Variants in NF1 observed in about 807,000 individuals in gnomAD.
NF1 encodes the protein neurofibromin 1.
A neutral mutation model predicts 325.7 loss-of-function variants in NF1; 122 were observed. The ratio of observed to expected loss-of-function variants is 0.37; its 90% confidence interval spans 0.32 to 0.44. The LOEUF (loss-of-function observed/expected upper bound fraction) is 0.44. Among genes scored for constraint, NF1 ranks in the 20% least tolerant of loss-of-function variants. The probability of loss-of-function intolerance (pLI) is 1.00; values close to 1 mark genes in which losing one functional copy is unlikely to be tolerated. For synonymous variants in NF1, 1,091 were observed against 1,186.0 expected (o/e 0.92, Z 1.65); for missense variants, 2,140 against 3,415.4 (o/e 0.63, Z 9.31).
At position 31,360,718 on chromosome 17, in the gene NF1, TC is replaced by T. The variant is rs1161990395; in HGVS notation, c.8377+16del. On this transcript the variant is annotated intron_variant, in intron 57 of 57. Transcript: ENST00000358273. ...GCATTCCCCAGGTCAGTAAATGTGATCTTTATATGACTTTGAGCAACAATAT... is the reference window on the plus strand; with the variant it reads ...GCATTCCCCAGGTCAGTAAATGTGATTTTATATGACTTTGAGCAACAATAT... 6.3e-7 allele frequency: 1 copy of T among 1,590,110 alleles called. No individual in the cohort carries two copies. Among genetic ancestry groups the T allele is most frequent in the East Asian group, 2.2e-5 (1 of 44,762 alleles).
intron 29 of NF1, among the ~76,000 whole-genome samples, chr17:31,239,501 T>G (rs2067257519): frequency 6.8e-6 from 1 of 146,182 alleles, no homozygotes; most frequent in African/African-American, 2.6e-5. Flanking sequence ...ATGAATTATC[T>G]GAGCTCTCAC....
chr17:31,182,886 AAAT>A lies in NF1; in HGVS notation c.888+225_888+227del, dbSNP rs17885916. ...ATACCAGGCAATGAACAAAGATTTA[AAAT>A]AATCCCTTAGTTTCATTCTTTTGTC... On this transcript the variant is annotated intron_variant, in intron 8 of 57. Transcript: ENST00000358273. 6.3e-4 allele frequency: 381 copies of A among 605,890 alleles called. 2 individuals carry two copies. Among genetic ancestry groups the A allele is most frequent in the African/African-American group, 6.1e-3 (329 of 54,088 alleles). 37.5% of individuals were successfully genotyped at this position (605,890 alleles called of 1,614,324 possible).
chr17:31,181,288 G>A lies in NF1; in HGVS notation c.587-134G>A, dbSNP rs866509624. The A allele has an allele frequency of 4.7e-4, 367 of 783,824 alleles. 2 individuals are homozygous for A. In the Middle Eastern group the frequency reaches 9.4e-3, roughly 20 times the overall value. The allele number at this position is 783,824 out of a possible 1,614,324, so 48.6% of individuals were successfully genotyped here. ...ACTATCGAGTTTTGGGTTTATGTTAGGTGTCTTTACCTTTCATTGCTTACA... is the reference window on the plus strand; with the variant it reads ...ACTATCGAGTTTTGGGTTTATGTTAAGTGTCTTTACCTTTCATTGCTTACA... On this transcript the variant is annotated intron_variant, in intron 5 of 57. Coordinates refer to ENST00000358273, the MANE Select transcript of NF1 (RefSeq NM_001042492.3).
At chr17:31,161,472 C>G (rs149536623) in intron 3 of NF1, among the ~76,000 whole-genome samples, 1 of 152,086 alleles carries the variant, frequency 6.6e-6, no homozygotes, top group East Asian at 1.9e-4. Context: ...AATTCTTATC[C>G]GCATGTAGTT....
In NF1 at chr17:31,200,534, T is replaced by A; in HGVS notation, c.1001T>A (p.Ile334Asn). The A allele has an allele frequency of 6.2e-7, 1 of 1,614,170 alleles. No individual in the cohort carries two copies. Among genetic ancestry groups the A allele is most frequent in the African/African-American group, 1.3e-5 (1 of 75,056 alleles). The change falls in exon 9 of 58, where the codon ATC becomes AAC. Residue 334 changes from isoleucine to asparagine, a missense_variant. By Grantham distance (149) the Ile-to-Asn change is moderately radical (BLOSUM62 -3). This residue lies in a region of NF1 where 179 missense variants were observed against 381.0 expected (regional missense o/e 0.47). Coordinates refer to ENST00000358273, the MANE Select transcript of NF1 (RefSeq NM_001042492.3). Reference protein sequence around the residue: ...CVKLCKASTYINWEDNSVIFL... With the variant: ...CVKLCKASTYNNWEDNSVIFL... ...AAACTGTGTAAAGCAAGTACTTACA[T>A]CAATTGGGAAGATAACTCTGTCATT...
chr17:31,100,048 A>G (rs957625356), intron 1 of NF1, among the ~76,000 whole-genome samples: 1 of 152,096 alleles, frequency 6.6e-6, no homozygotes, highest in African/African-American at 2.4e-5. Context: ...CTCCATCCCA[A>G]AATGATTTGT....
rs551269064 is a variant in NF1 at position 31,338,409 on chromosome 17, C to T, written c.6819+270C>T. Among the ~76,000 whole-genome samples, 3 of 152,180 alleles carry T rather than the reference C, an allele frequency of 2.0e-5. No homozygotes were observed. The South Asian group carries it at 6.2e-4, about 32-fold the overall frequency. On this transcript the variant is annotated intron_variant, in intron 45 of 57. Transcript: ENST00000358273. ...TGTTGCCTCTTTTGCTAAGCAGGTA[C>T]ACTTAGTATTTTACCAGTTTTCAAA...
At chr17:31,343,270 C>A in intron 48 of NF1, 135 bp downstream of exon 48, 3 of 848,540 alleles carry the variant, frequency 3.5e-6, no homozygotes, top group Middle Eastern at 3.3e-4. Flanking sequence ...CTAGGCCAGG[C>A]GTGGTGGCTC....
intron 1 of NF1, among the ~76,000 whole-genome samples, chr17:31,126,526 A>T (rs1330455254): frequency 6.6e-6 from 1 of 151,866 alleles, no homozygotes; most frequent in Non-Finnish European, 1.5e-5. Flanking sequence ...GCTCATTGCA[A>T]CCTTTGCTAG....
chr17:31,340,780 G>C (rs1161335508), intron 47 of NF1, 135 bp downstream of exon 47: 3 of 781,250 alleles, frequency 3.8e-6, no homozygotes, highest in Non-Finnish European at 5.8e-6. Flanking sequence ...CTTATTGTGA[G>C]TATATTTCCT....
chr17:31,139,397 C>CACAA (rs960721441), intron 1 of NF1, among the ~76,000 whole-genome samples: 4 of 151,472 alleles, frequency 2.6e-5, no homozygotes, highest in Admixed American at 1.3e-4. Flanking sequence ...CACACACACA[C>CACAA]ACACACACAC....
intron 35 of NF1, among the ~76,000 whole-genome samples, chr17:31,264,640 T>C (rs1442179928): frequency 3.6e-4 from 55 of 152,284 alleles, no homozygotes; most frequent in Admixed American, 3.6e-3. Context: ...TTTCTAGAGT[T>C]GATGAATGAC....
intron 1 of NF1, among the ~76,000 whole-genome samples, chr17:31,100,945 G>T (rs779498697): frequency 4.6e-5 from 7 of 152,072 alleles, no homozygotes; most frequent in Non-Finnish European, 8.8e-5. Context: ...CACCTTATCT[G>T]TCTGGGAACT....
At chr17:31,328,585 A>G (rs927561954) in intron 38 of NF1, among the ~76,000 whole-genome samples, 8 of 152,060 alleles carry the variant, frequency 5.3e-5, no homozygotes, top group African/African-American at 1.9e-4. Context: ...AGTAAGTAGT[A>G]TTTTCTTATC....
chr17:31,159,533 G>A (rs539785446), intron 3 of NF1, among the ~76,000 whole-genome samples: 2 of 152,198 alleles, frequency 1.3e-5, no homozygotes, highest in East Asian at 3.9e-4. Flanking sequence ...AACCTATTAA[G>A]GATAGATGTT....
At chr17:31,171,629 G>A (rs1337551032) in intron 5 of NF1, among the ~76,000 whole-genome samples, 3 of 152,034 alleles carry the variant, frequency 2.0e-5, no homozygotes, top group Admixed American at 1.3e-4. Flanking sequence ...CATCGAATGC[G>A]GCTCCCTCAT....
At chr17:31,153,550 C>T (rs1343292050) in intron 1 of NF1, among the ~76,000 whole-genome samples, 1 of 152,218 alleles carries the variant, frequency 6.6e-6, no homozygotes, top group Non-Finnish European at 1.5e-5. Flanking sequence ...TGGGAATCTC[C>T]TCTTGTCAGA....
intron 57 of NF1, chr17:31,361,517 T>G (rs2070400535): frequency 6.6e-6 from 1 of 152,224 alleles, no homozygotes; most frequent in African/African-American, 2.4e-5. Flanking sequence ...TTTGTTATGG[T>G]TGTGTTTTCT....
intron 2 of NF1, among the ~76,000 whole-genome samples, chr17:31,156,751 G>C (rs772865142): frequency 6.6e-6 from 1 of 152,014 alleles, no homozygotes; most frequent in Non-Finnish European, 1.5e-5. Context: ...AAAATCGATT[G>C]ACGTTTCCTA....
Sources: gnomAD v4.1 joint callset for allele counts (sites outside exome capture counted in the v4.1 genomes callset) on GRCh38, gnomAD v4.1.1 for gene constraint, gnomAD v4.1.1 regional missense constraint, MANE v1.5 for transcripts, NCBI Gene and HGNC (gene_info 2026-07-23, HGNC 2026-07-21) for gene names.